The following ZNF837 variants were observed in gnomAD, a reference collection of about 807,000 sequenced individuals.
ZNF837 encodes the protein zinc finger protein 837.
For synonymous variants in ZNF837, 475 were observed against 365.2 expected (o/e 1.30, Z -3.43); for missense variants, 955 against 801.7 (o/e 1.19, Z -2.31).
At chr19:58,373,382 G>A (rs898573526) in intron 1 of ZNF837, among the ~76,000 whole-genome samples, 3 of 152,214 alleles carry the variant, frequency 2.0e-5, no homozygotes, top group African/African-American at 7.2e-5. Context: ...CTCTGAGTAC[G>A]AGGACATCTG....
At position 58,368,768 on chromosome 19, in the gene ZNF837, C is replaced by G; in HGVS notation, c.565G>C (p.Gly189Arg). The change falls in exon 3 of 3, where the codon GGG (glycine) becomes CGG (arginine). Residue 189 changes from glycine to arginine, a missense_variant. Gly to Arg is a moderately radical substitution (Grantham distance 125). Transcript: ENST00000597582. ...GGCTGCTCCACCAAGGGGTTCCTCC[C>G]GCGGGAGGTCGGCTTTGGGGTCCTC... ...CPRTPKPTSR[G>R]RNPLVEQPRA... 1 of 1,542,032 alleles carries G rather than the reference C, an allele frequency of 6.5e-7. No individual in the cohort carries two copies.
rs754225128 is a variant in ZNF837, at chr19:58,368,583, A to T, written c.750T>A (p.Pro250=). ...GAGGTCGCGAGGTTTGGCCGCACTC[A>T]GGACACACTGGGGGACTCTTGCCCG... ...QQAGKSPPVC[P]ECGQTSRPRP... Residue 250 remains proline (P), a synonymous_variant, in exon 3 of 3, where the codon CCT becomes CCA. Transcript: ENST00000597582. 6.5e-7 allele frequency: 1 copy of T among 1,536,148 alleles called. No individual in the cohort carries two copies. Among genetic ancestry groups the T allele is most frequent in the Non-Finnish European group, 8.7e-7 (1 of 1,144,806 alleles).
At chr19:58,375,852 T>G (rs1186538289) in intron 1 of ZNF837, among the ~76,000 whole-genome samples, 1 of 151,932 alleles carries the variant, frequency 6.6e-6, no homozygotes, top group Non-Finnish European at 1.5e-5. Context: ...CAGGATGTCA[T>G]TTGAGCCCTG....
chr19:58,372,521 T>C (rs2052211308), intron 1 of ZNF837, among the ~76,000 whole-genome samples: 1 of 152,214 alleles, frequency 6.6e-6, no homozygotes, highest in East Asian at 1.9e-4. Context: ...TTTTTCTGTC[T>C]GTTTTGCAGA....
In ZNF837 at chr19:58,370,893, C is replaced by A. The variant is rs181739270; in HGVS notation, c.-139-965G>T. Among the ~76,000 whole-genome samples the A allele has an allele frequency of 6.1e-3, 575 of 94,356 alleles. 4 individuals are homozygous for A. Among genetic ancestry groups the A allele is most frequent in the African/African-American group, 0.023 (557 of 24,468 alleles). 61.9% of individuals were successfully genotyped at this position (94,356 alleles called of 152,430 possible). On this transcript the variant is annotated intron_variant, in intron 1 of 2. Coordinates refer to ENST00000597582, the MANE Select transcript of ZNF837 (RefSeq NM_138466.2). ...CTGGGCAACAAAAGTGAAACTCTTTCAAAAAAAGAAAAGGAAAAAAAGAAA... is the reference window on the plus strand; with the variant it reads ...CTGGGCAACAAAAGTGAAACTCTTTAAAAAAAAGAAAAGGAAAAAAAGAAA...
intron 1 of ZNF837, among the ~76,000 whole-genome samples, chr19:58,376,388 T>C: frequency 6.7e-6 from 1 of 149,508 alleles, no homozygotes; most frequent in African/African-American, 2.5e-5. Flanking sequence ...CCATCTCTAC[T>C]AAAAAAAATA....
chr19:58,368,195 C>T lies in ZNF837; in HGVS notation c.1138G>A (p.Glu380Lys). 6.4e-7 allele frequency: 1 copy of T among 1,561,204 alleles called. No individual in the cohort carries two copies. Among genetic ancestry groups the T allele is most frequent in the Non-Finnish European group, 8.6e-7 (1 of 1,157,304 alleles). The change falls in exon 3 of 3, where the codon GAG (glutamate) becomes AAG (lysine). Residue 380 changes from glutamate to lysine, a missense_variant. Glu to Lys is a moderately conservative substitution (Grantham distance 56, BLOSUM62 1). Transcript: ENST00000597582. ...KAFGLFSHLV[E>K]HRRVHTGEKP... Reference sequence around the variant, plus strand: ...TCGCCGGTGTGCACGCGCCGGTGCTCCACGAGGTGCGAGAACAGCCCGAAG... The same window carrying T: ...TCGCCGGTGTGCACGCGCCGGTGCTTCACGAGGTGCGAGAACAGCCCGAAG...
chr19:58,368,554 G>A lies in ZNF837; in HGVS notation c.779C>T (p.Pro260Leu), dbSNP rs1325596251. Residue 260 changes from proline to leucine, a missense_variant, in exon 3 of 3, where the codon CCT (proline) becomes CTT (leucine). Transcript: ENST00000597582. Reference sequence around the variant, plus strand: ...CTGGGCCGGGGGGTCGGGGACAATAGGGCGAGGTCGCGAGGTTTGGCCGCA... The same window carrying A: ...CTGGGCCGGGGGGTCGGGGACAATAAGGCGAGGTCGCGAGGTTTGGCCGCA... ...PECGQTSRPR[P>L]IVPDPPAQRL... 4 of 1,538,340 alleles carry A rather than the reference G, an allele frequency of 2.6e-6. No individual in the cohort carries two copies. The highest frequency in any genetic ancestry group is 2.6e-6 in the Non-Finnish European group (3 of 1,144,302).
chr19:58,368,435 C>T lies in ZNF837; in HGVS notation c.898G>A (p.Glu300Lys), dbSNP rs1323865536. The T allele has an allele frequency of 3.2e-6, 5 of 1,559,952 alleles. No homozygotes were observed. The highest frequency in any genetic ancestry group is 1.2e-5 in the South Asian group (1 of 85,112). Reference sequence around the variant, plus strand: ...AAGGCCTTGCCGCACTCGGCGCACTCGTAGGGCCGCTCGCCCGTGTGGATG... The same window carrying T: ...AAGGCCTTGCCGCACTCGGCGCACTTGTAGGGCCGCTCGCCCGTGTGGATG... The part of the protein sequence containing the change: ...QRIHTGERPY[E>K]CAECGKAFVR... The change falls in exon 3 of 3, where the codon GAG becomes AAG. Residue 300 changes from glutamate (E) to lysine (K), a missense_variant. Physicochemically the swap from Glu to Lys is moderately conservative, Grantham distance 56. Transcript: ENST00000597582.
chr19:58,367,709 C>A lies in ZNF837; in HGVS notation c.*28G>T. On this transcript the variant is annotated 3_prime_UTR_variant, in exon 3 of 3. Coordinates refer to ENST00000597582, the MANE Select transcript of ZNF837 (RefSeq NM_138466.2). ...CTCCTCGACGCAGGGTTCGCTTGGG[C>A]GACGCGTCGACTCTCGGCTCCCTGC... 2.0e-6 allele frequency: 3 copies of A among 1,472,758 alleles called. No individual in the cohort carries two copies. Among genetic ancestry groups the A allele is most frequent in the Non-Finnish European group, 2.7e-6 (3 of 1,118,662 alleles). The allele number at this position is 1,472,758 out of a possible 1,614,324, so 91.2% of individuals were successfully genotyped here. A position where few individuals can be genotyped will look rare whatever the true frequency, so the allele number is the denominator to read the frequency against.
intron 1 of ZNF837, among the ~76,000 whole-genome samples, chr19:58,375,540 C>T (rs1290916371): frequency 1.3e-5 from 2 of 151,200 alleles, no homozygotes; most frequent in Non-Finnish European, 2.9e-5. Flanking sequence ...CTCTGCCTCC[C>T]GCGTTCAAGC....
chr19:58,372,442 C>G (rs1328970099), intron 1 of ZNF837, among the ~76,000 whole-genome samples: 2 of 148,226 alleles, frequency 1.3e-5, no homozygotes, highest in Non-Finnish European at 3.0e-5. Flanking sequence ...CCGGGGGGGG[C>G]GGATCACGAG....
Position 58,368,237 on chromosome 19 carries a change from C to T in ZNF837, c.1096G>A (p.Ala366Thr). ...AGCCCGAAGGCCTTGGCGCAGTCGG[C>T]GCACTCGTACGGCTTCTCCCCGGCT... ...SGAGEKPYEC[A>T]DCAKAFGLFS... The change falls in exon 3 of 3, where the codon GCC becomes ACC. Residue 366 changes from alanine to threonine, a missense_variant. Physicochemically the swap from Ala to Thr is moderately conservative, Grantham distance 58 (BLOSUM62 0). Coordinates refer to ENST00000597582, the MANE Select transcript of ZNF837 (RefSeq NM_138466.2). The T allele has an allele frequency of 6.6e-7, 1 of 1,507,580 alleles. No homozygotes were observed. The highest frequency in any genetic ancestry group is 8.8e-7 in the Non-Finnish European group (1 of 1,131,146). 93.4% of individuals were successfully genotyped at this position (1,507,580 alleles called of 1,614,324 possible).
intron 1 of ZNF837, among the ~76,000 whole-genome samples, chr19:58,370,951 G>C (rs945140138): frequency 0.011 from 15 of 1,418 alleles, no homozygotes; most frequent in Non-Finnish European, 0.02. Context: ...GTGAAGGCCG[G>C]GGGGGGGGAG....
chr19:58,376,691 T>A (rs535272988), intron 1 of ZNF837, among the ~76,000 whole-genome samples: 1 of 150,728 alleles, frequency 6.6e-6, no homozygotes, highest in Non-Finnish European at 1.5e-5. Context: ...GTCAACTGCA[T>A]ACCAGAGTAC....
At chr19:58,380,848 G>T (rs1219245216) in intron 1 of ZNF837, 93 bp downstream of exon 1, 2 of 152,310 alleles carry the variant, frequency 1.3e-5, no homozygotes, top group Admixed American at 6.5e-5. Context: ...GCGCGCGGAG[G>T]TGGAGAGGGG....
chr19:58,368,356 T>A lies in ZNF837; in HGVS notation c.977A>T (p.His326Leu). Reference protein sequence around the residue: ...RHQKTHSAERHRRGPVLARRA... With the variant: ...RHQKTHSAERLRRGPVLARRA... ...CCGCGCCAGGACGGGGCCACGCCGG[T>A]GGCGCTCGGCCGAGTGCGTCTTCTG... Residue 326 changes from histidine to leucine, a missense_variant, in exon 3 of 3, where the codon CAC (histidine) becomes CTC (leucine). By Grantham distance (99) the His-to-Leu change is moderately conservative (BLOSUM62 -3). Coordinates refer to ENST00000597582, the MANE Select transcript of ZNF837 (RefSeq NM_138466.2). The A allele has an allele frequency of 6.6e-7, 1 of 1,526,368 alleles. No individual in the cohort carries two copies. Among genetic ancestry groups the A allele is most frequent in the Non-Finnish European group, 8.8e-7 (1 of 1,142,174 alleles). 94.6% of individuals were successfully genotyped at this position (1,526,368 alleles called of 1,614,324 possible). A position where few individuals can be genotyped will look rare whatever the true frequency, so the allele number is the denominator to read the frequency against.
At chr19:58,370,037 A>C (rs1352764876) in intron 1 of ZNF837, 109 bp from the exon 2 acceptor site, 2 of 152,230 alleles carry the variant, frequency 1.3e-5, no homozygotes, top group African/African-American at 4.8e-5. Flanking sequence ...GCCTGCTATT[A>C]CTATTTTAAA....
chr19:58,373,390 C>T (rs1044212048), intron 1 of ZNF837, among the ~76,000 whole-genome samples: 2 of 152,226 alleles, frequency 1.3e-5, no homozygotes, highest in African/African-American at 4.8e-5. Context: ...ACGAGGACAT[C>T]TGGGTGGTGC....
Sources: allele counts gnomAD v4.1 joint callset (sites outside exome capture counted in the v4.1 genomes callset), GRCh38; gene constraint gnomAD v4.1.1; transcripts MANE v1.5; gene names NCBI Gene and HGNC (gene_info 2026-07-23, HGNC 2026-07-21).